The following SRRM4 variants were observed in gnomAD, a reference collection of about 807,000 sequenced individuals.
SRRM4 encodes serine/arginine repetitive matrix 4, also known as serine/arginine repetitive matrix protein 4.
In SRRM4, 33 loss-of-function variants were observed where a neutral mutation model predicts 68.9. The ratio of observed to expected loss-of-function variants is 0.48; its 90% CI spans 0.36 to 0.64. The LOEUF is 0.64. Among genes scored for constraint, SRRM4 ranks in the 30% least tolerant of loss-of-function variants. SRRM4 has a pLI of 0.00. For missense variants in SRRM4, 817 were observed against 827.1 expected (o/e 0.99, Z 0.15); for synonymous variants, 318 against 318.8 (o/e 1.00, Z 0.03).
At chr12:119,100,439 G>T (rs1350417937) in intron 1 of SRRM4, among the ~76,000 whole-genome samples, 1 of 151,648 alleles carries the variant, frequency 6.6e-6, no homozygotes, top group Non-Finnish European at 1.5e-5. Context: ...GCAGTGAGCT[G>T]TGATTGTGTC....
At chr12:119,094,418 G>A (rs1954031036) in intron 1 of SRRM4, among the ~76,000 whole-genome samples, 1 of 152,196 alleles carries the variant, frequency 6.6e-6, no homozygotes, top group African/African-American at 2.4e-5. Flanking sequence ...AAGATCCCCA[G>A]GTGACCCATG....
rs1337171887 is a variant in SRRM4, at chr12:119,156,734, G to A, written c.1772G>A (p.Ser591Asn). 1.3e-6 allele frequency: 2 copies of A among 1,547,096 alleles called. No homozygotes were observed. Among genetic ancestry groups the A allele is most frequent in the East Asian group, 2.4e-5 (1 of 40,912 alleles). ...AGCCGGAGCAGGAGCCGGAGCCGGA[G>A]CCGGAGCAGGAGCCAGAGCCGGAGC... is the stretch of plus-strand genomic sequence containing the variant. ...SRSRSRSRSR[S>N]RSRSQSRSYS... Residue 591 changes from serine to asparagine, a missense_variant, in exon 13 of 13, where the codon AGC becomes AAC. By Grantham distance (46) the Ser-to-Asn change is conservative (BLOSUM62 1). Coordinates refer to ENST00000267260, the MANE Select transcript of SRRM4 (RefSeq NM_194286.4).
At chr12:119,041,937 G>A (rs1281251716) in intron 1 of SRRM4, among the ~76,000 whole-genome samples, 2 of 152,178 alleles carry the variant, frequency 1.3e-5, no homozygotes, top group Non-Finnish European at 2.9e-5. Flanking sequence ...CTTTAAGGCG[G>A]TGGGTAGAGG....
chr12:119,003,031 A>G (rs1216049887), intron 1 of SRRM4, among the ~76,000 whole-genome samples: 11 of 151,864 alleles, frequency 7.2e-5, no homozygotes, highest in Admixed American at 7.2e-4. Flanking sequence ...GAGGGGTGAC[A>G]ACACTCATTC....
chr12:119,109,970 G>A (rs1333218823), intron 2 of SRRM4, among the ~76,000 whole-genome samples: 1 of 152,154 alleles, frequency 6.6e-6, no homozygotes. Context: ...TCAGCCTGTG[G>A]TCTTTGATGA....
chr12:119,154,671 G>A lies in SRRM4; in HGVS notation c.1532+288G>A, dbSNP rs937968959. On this transcript the variant is annotated intron_variant, in intron 12 of 12. Coordinates refer to ENST00000267260, the MANE Select transcript of SRRM4 (RefSeq NM_194286.4). This position sits in a 1 kb window ranked among gnomAD's most constrained non-coding sequence, Gnocchi z 4.7. The stretch of plus-strand genomic sequence containing the variant: ...AAAGCCTGAGGGTGGAGCTGGGGCC[G>A]GGGAGGTGGAGCTGGGGCCGGGGAG... Among the ~76,000 whole-genome samples the A allele has an allele frequency of 6.6e-6, 1 of 151,854 alleles. No individual in the cohort carries two copies. The highest frequency in any genetic ancestry group is 2.4e-5 in the African/African-American group (1 of 41,204).
chr12:119,019,400 G>A (rs1481438202), intron 1 of SRRM4, among the ~76,000 whole-genome samples: 1 of 152,048 alleles, frequency 6.6e-6, no homozygotes, highest in Non-Finnish European at 1.5e-5. Flanking sequence ...TAGTCAACAT[G>A]GGTAGTAAGG....
intron 2 of SRRM4, among the ~76,000 whole-genome samples, chr12:119,112,842 C>A (rs114064191): frequency 6.6e-6 from 1 of 152,078 alleles, no homozygotes; most frequent in Non-Finnish European, 1.5e-5. Flanking sequence ...GGGAAAAGAG[C>A]AAATGCATGC....
intron 1 of SRRM4, among the ~76,000 whole-genome samples, chr12:119,089,558 A>G (rs1270257486): frequency 6.6e-6 from 1 of 152,306 alleles, no homozygotes; most frequent in East Asian, 1.9e-4. Flanking sequence ...TTTGTCAGAG[A>G]AGAATGATAA....
chr12:119,090,184 C>G (rs1954005268), intron 1 of SRRM4, among the ~76,000 whole-genome samples: 2 of 152,102 alleles, frequency 1.3e-5, no homozygotes, highest in Admixed American at 1.3e-4. Flanking sequence ...GTCACTTAAT[C>G]TGTCTTCTGC....
At chr12:119,111,366 G>A (rs1954142323) in intron 2 of SRRM4, among the ~76,000 whole-genome samples, 1 of 152,196 alleles carries the variant, frequency 6.6e-6, no homozygotes, top group Non-Finnish European at 1.5e-5. Context: ...TGAGGGAGTT[G>A]ATGATCCCCA....
intron 1 of SRRM4, among the ~76,000 whole-genome samples, chr12:119,098,208 G>T (rs543019554): frequency 6.6e-6 from 1 of 152,236 alleles, no homozygotes; most frequent in African/African-American, 2.4e-5. Flanking sequence ...AGCCATATGA[G>T]TGAGCCACCT....
intron 2 of SRRM4, among the ~76,000 whole-genome samples, chr12:119,106,561 C>T (rs1386356145): frequency 6.6e-6 from 1 of 152,128 alleles, no homozygotes; most frequent in African/African-American, 2.4e-5. Context: ...ATTTTATTCT[C>T]TTTGAAGCAA....
intron 1 of SRRM4, among the ~76,000 whole-genome samples, chr12:119,100,085 G>T (rs1954069138): frequency 6.6e-6 from 1 of 152,040 alleles, no homozygotes; most frequent in South Asian, 2.1e-4. Flanking sequence ...AATCCTTCAA[G>T]TCTCCACTCC....
chr12:119,104,073 G>A (rs775684065), intron 2 of SRRM4, among the ~76,000 whole-genome samples: 22 of 152,132 alleles, frequency 1.4e-4, no homozygotes, highest in South Asian at 4.1e-4. Context: ...TGTCACTTAC[G>A]AACTGAGCAA....
intron 1 of SRRM4, among the ~76,000 whole-genome samples, chr12:119,022,046 C>T (rs980749368): frequency 6.6e-6 from 1 of 152,022 alleles, no homozygotes; most frequent in African/African-American, 2.4e-5. Flanking sequence ...GAGGGCAAAG[C>T]ATCAGGATAA....
At chr12:119,081,521 G>A (rs1029985124) in intron 1 of SRRM4, among the ~76,000 whole-genome samples, 3 of 152,200 alleles carry the variant, frequency 2.0e-5, no homozygotes, top group Non-Finnish European at 2.9e-5. Context: ...CAGGAAGTGA[G>A]GTCAGAGTGG....
At chr12:119,044,746 C>A (rs900515890) in intron 1 of SRRM4, among the ~76,000 whole-genome samples, 2 of 152,060 alleles carry the variant, frequency 1.3e-5, no homozygotes, top group African/African-American at 4.8e-5. Flanking sequence ...AAAAGCCTGG[C>A]ACATACAAAG....
chr12:119,137,812 T>C (rs1954340345), intron 8 of SRRM4, among the ~76,000 whole-genome samples: 1 of 152,190 alleles, frequency 6.6e-6, no homozygotes, highest in South Asian at 2.1e-4. Context: ...ATAATAACTC[T>C]GATGTCTGGA....
Sources: allele counts gnomAD v4.1 joint callset (sites outside exome capture counted in the v4.1 genomes callset), GRCh38; gene constraint gnomAD v4.1.1; non-coding constraint Gnocchi (gnomAD v3.1); transcripts MANE v1.5; gene names NCBI Gene and HGNC (gene_info 2026-07-23, HGNC 2026-07-21).